The following PHLDB1 variants were observed in gnomAD, a reference collection of about 807,000 sequenced individuals.
PHLDB1 encodes pleckstrin homology-like domain family B member 1.
A neutral mutation model predicts 139.3 loss-of-function variants in PHLDB1; 65 were observed. The observed-to-expected ratio is 0.47, with a 90% CI of 0.38 to 0.57. The LOEUF is 0.57. Ranked by LOEUF, PHLDB1 falls within the 20% of genes least tolerant of loss-of-function variation. The pLI is 0.00. For synonymous variants in PHLDB1, 679 were observed against 734.5 expected, an observed-to-expected ratio of 0.92 and a Z score of 1.22; for missense variants, 1,624 against 1,839.7, an observed-to-expected ratio of 0.88 and a Z score of 2.14.
At chr11:118,627,282 A>G in intron 5 of PHLDB1, 23 bp from the exon 6 acceptor site, 1 of 1,611,328 alleles carries the variant, frequency 6.2e-7, no homozygotes, top group Non-Finnish European at 8.5e-7. Context: ...CCTAAAGTCA[A>G]AGACCTTTGC....
At chr11:118,624,514 G>A (rs1484488602) in intron 4 of PHLDB1, 1 of 224,780 alleles carries the variant, frequency 4.4e-6, no homozygotes, top group African/African-American at 2.4e-5. Flanking sequence ...GAGCTGAGGT[G>A]AGCCTGCTAG....
intron 9 of PHLDB1, chr11:118,634,754 A>G (rs1945334912): frequency 8.8e-6 from 2 of 226,040 alleles, no homozygotes; most frequent in Non-Finnish European, 9.4e-6. Context: ...CTCCTCTTTG[A>G]TTCTAGCCTT....
chr11:118,616,505 T>G (rs567426200), intron 4 of PHLDB1, among the ~76,000 whole-genome samples: 1 of 152,236 alleles, frequency 6.6e-6, no homozygotes, highest in African/African-American at 2.4e-5. Context: ...ATGATGGCGT[T>G]GTTAATGGTT....
chr11:118,616,961 C>T (rs1941778726), intron 4 of PHLDB1, among the ~76,000 whole-genome samples: 1 of 152,188 alleles, frequency 6.6e-6, no homozygotes, highest in Non-Finnish European at 1.5e-5. Flanking sequence ...AGGAGAATCG[C>T]TTGAACCTGG....
At chr11:118,609,517 C>T (rs570946677) in intron 1 of PHLDB1, among the ~76,000 whole-genome samples, 2 of 150,358 alleles carry the variant, frequency 1.3e-5, no homozygotes, top group South Asian at 4.2e-4. Context: ...ATGCAGCCCC[C>T]TCACACATGC....
chr11:118,632,092 C>T lies in PHLDB1; in HGVS notation c.2241+39C>T. The stretch of plus-strand genomic sequence containing the variant: ...TCCCTAGCTGGACTCTTCCCTAGGC[C>T]AACTGAAGGCCCCAGAGAGGGGCCA... On this transcript the variant is annotated intron_variant, in intron 8 of 22. Transcript: ENST00000600882. This position sits in a 1 kb window ranked among gnomAD's most constrained non-coding sequence, Gnocchi z 5.9. 1 of 1,613,508 alleles carries T rather than the reference C, an allele frequency of 6.2e-7. No individual in the cohort carries two copies.
chr11:118,624,808 C>T, intron 4 of PHLDB1, 126 bp from the exon 5 acceptor site: 1 of 897,138 alleles, frequency 1.1e-6, no homozygotes. Flanking sequence ...CGGGACTTCA[C>T]CACATTGGCC....
intron 4 of PHLDB1, among the ~76,000 whole-genome samples, chr11:118,619,852 A>G (rs1406587589): frequency 6.6e-6 from 1 of 152,194 alleles, no homozygotes; most frequent in Non-Finnish European, 1.5e-5. Context: ...TATTCATCTA[A>G]GAGGTTGATT....
chr11:118,636,350 T>C (rs10892249), intron 10 of PHLDB1, among the ~76,000 whole-genome samples: 1,998 of 152,126 alleles, frequency 0.013, 26 homozygotes, highest in Middle Eastern at 0.044. Flanking sequence ...ATTGGTGACG[T>C]AGGGGATTTG....
chr11:118,623,080 A>G (rs1276374592), intron 4 of PHLDB1, among the ~76,000 whole-genome samples: 2 of 152,182 alleles, frequency 1.3e-5, no homozygotes, highest in African/African-American at 4.8e-5. Flanking sequence ...GGACCTGCCA[A>G]GGTACTCACG....
Position 118,628,461 on chromosome 11 carries a change from T to C in PHLDB1, c.1638T>C (p.Ser546=). ...TGAGCCCAGCCTACAGTCTGGGCTC[T>C]CTTACTGGGGCTTCACCCTGCCAGA... ...GRLSPAYSLG[S]LTGASPCQSP... Residue 546 remains serine, a synonymous_variant, in exon 6 of 23, where the codon TCT becomes TCC. Transcript: ENST00000600882. 6.2e-7 allele frequency: 1 copy of C among 1,612,498 alleles called. No homozygotes were observed. The highest frequency in any genetic ancestry group is 8.5e-7 in the Non-Finnish European group (1 of 1,179,716).
chr11:118,628,903 T>A (rs1351841583), intron 6 of PHLDB1, among the ~76,000 whole-genome samples: 4 of 152,288 alleles, frequency 2.6e-5, no homozygotes, highest in Admixed American at 6.5e-5. Flanking sequence ...GCATTTGTTT[T>A]AATGTTAAAT....
At position 118,611,821 on chromosome 11, in the gene PHLDB1, A is replaced by AT. The variant is rs1555084132; in HGVS notation, c.-21-1995_-21-1994insT. 2.1e-4 allele frequency among the ~76,000 whole-genome samples: 22 copies of AT among 104,364 alleles called. No homozygotes were observed. The highest frequency in any genetic ancestry group is 3.8e-4 in the Non-Finnish European group (16 of 42,026). The allele number at this position is 104,364 out of a possible 152,430, so 68.5% of individuals were successfully genotyped here. ...CAACAAGAGTGAAACTCCGTCTCAA[A>AT]AAAAAAAAAAAAATAATAATAATAA... On this transcript the variant is annotated intron_variant, in intron 1 of 22. Coordinates refer to ENST00000600882, the MANE Select transcript of PHLDB1 (RefSeq NM_001144758.3). This position sits in a 1 kb window ranked among gnomAD's most constrained non-coding sequence, Gnocchi z 4.7.
Position 118,616,201 on chromosome 11 carries a change from G to A in PHLDB1, c.345G>A (p.Arg115=). The A allele has an allele frequency of 6.2e-7, 1 of 1,613,784 alleles. No homozygotes were observed. Among genetic ancestry groups the A allele is most frequent in the East Asian group, 2.2e-5 (1 of 44,878 alleles). Residue 115 remains arginine (R), a synonymous_variant, in exon 4 of 23, where the codon CGG becomes CGA. Transcript: ENST00000600882. ...GGCTCCCTGTCCGGCAGCCTACCCG[G>A]CTCACTCAGGGTAAGGCTGGACACC... ...IDGLPVRQPT[R]LTQGCMLCLG...
chr11:118,631,149 A>G (rs1050617376), intron 6 of PHLDB1, 58 bp from the exon 7 acceptor site: 2 of 1,353,494 alleles, frequency 1.5e-6, no homozygotes, highest in Non-Finnish European at 1.9e-6. Flanking sequence ...ACCTGGCTCT[A>G]TCCCCACCAG....
At position 118,632,110 on chromosome 11, in the gene PHLDB1, A is replaced by C. The variant is rs370131032; in HGVS notation, c.2242-49A>C. The stretch of plus-strand genomic sequence containing the variant: ...CCTAGGCCAACTGAAGGCCCCAGAG[A>C]GGGGCCACAGTCAGCTGCTTTGATG... On this transcript the variant is annotated intron_variant, in intron 8 of 22. Transcript: ENST00000600882. This position sits in a 1 kb window ranked among gnomAD's most constrained non-coding sequence, Gnocchi z 5.9. 211 of 1,613,556 alleles carry C rather than the reference A, an allele frequency of 1.3e-4. No individual in the cohort carries two copies. The highest frequency in any genetic ancestry group is 1.6e-4 in the Non-Finnish European group (190 of 1,179,708).
At chr11:118,607,357 GT>G (rs1939357587), upstream of PHLDB1, among the ~76,000 whole-genome samples, 1 of 50,464 alleles carries the variant, frequency 2.0e-5, no homozygotes, top group Non-Finnish European at 4.0e-5. Flanking sequence ...GGTGGTGGTG[GT>G]GGTGGTGGTG....
chr11:118,621,777 G>C (rs1278256593), intron 4 of PHLDB1, among the ~76,000 whole-genome samples: 1 of 152,130 alleles, frequency 6.6e-6, no homozygotes, highest in African/African-American at 2.4e-5. Flanking sequence ...CAGCGCTCCG[G>C]CAGTCCCCTC....
chr11:118,627,549 G>A lies in PHLDB1; in HGVS notation c.726G>A (p.Met242Ile), dbSNP rs1555103263. Residue 242 changes from methionine (M) to isoleucine (I), a missense_variant, in exon 6 of 23, where the codon ATG becomes ATA. Transcript: ENST00000600882. ...CTCCCCCAACCAGCCCCGGCGCCAT[G>A]TCTGTGGGCTCCAGCTATGAGAACA... ...LLSPPTSPGAMSVGSSYENTS... is the reference protein window; with the variant it reads ...LLSPPTSPGAISVGSSYENTS... 2 of 1,614,088 alleles carry A rather than the reference G, an allele frequency of 1.2e-6. No individual in the cohort carries two copies. Among genetic ancestry groups the A allele is most frequent in the Non-Finnish European group, 8.5e-7 (1 of 1,180,000 alleles).
Sources: allele counts gnomAD v4.1 joint callset (sites outside exome capture counted in the v4.1 genomes callset), GRCh38; gene constraint gnomAD v4.1.1; non-coding constraint Gnocchi (gnomAD v3.1); transcripts MANE v1.5; gene names NCBI Gene and HGNC (gene_info 2026-07-23, HGNC 2026-07-21).